The following WWP1 variants were observed in gnomAD, a reference collection of about 807,000 sequenced individuals.
WWP1 encodes the protein WW domain containing E3 ubiquitin protein ligase 1.
In WWP1, 49 loss-of-function variants were observed where a neutral mutation model predicts 130.6. That is an observed-to-expected ratio of 0.38 (90% confidence interval 0.30 to 0.48). The LOEUF (loss-of-function observed/expected upper bound fraction) is 0.48, where lower values mean the gene tolerates loss of function less well. Ranked by LOEUF, WWP1 falls within the 20% of genes least tolerant of loss-of-function variation. WWP1 has a pLI of 0.99. For missense variants in WWP1, 809 were observed against 1,100.6 expected (o/e 0.74, Z 3.75); for synonymous variants, 332 against 367.8 (o/e 0.90, Z 1.11).
At chr8:86,399,234 A>G (rs747263035) in intron 7 of WWP1, among the ~76,000 whole-genome samples, 1 of 152,140 alleles carries the variant, frequency 6.6e-6, no homozygotes, top group Non-Finnish European at 1.5e-5. Flanking sequence ...CGCTCTCTGG[A>G]TTGGCATTAT....
In WWP1 at chr8:86,442,775, C is replaced by A. The variant is rs1563538237; in HGVS notation, c.1995C>A (p.Ala665=). The A allele has an allele frequency of 1.2e-6, 2 of 1,605,436 alleles. No individual in the cohort carries two copies. Among genetic ancestry groups the A allele is most frequent in the Admixed American group, 1.7e-5 (1 of 58,594 alleles). Residue 665 remains alanine, a synonymous_variant, in exon 18 of 25, where the codon GCC becomes GCA. Transcript: ENST00000517970. The part of the protein sequence containing the change: ...SYFCFIGRFI[A]MALFHGKFID... ...TCTGTTTCATTGGTCGTTTTATTGC[C>A]ATGGTGAGTTCCTGACTTTATTATT... is the stretch of plus-strand genomic sequence containing the variant.
chr8:86,388,300 G>A (rs1321089274), intron 5 of WWP1, among the ~76,000 whole-genome samples: 1 of 151,292 alleles, frequency 6.6e-6, no homozygotes, highest in African/African-American at 2.4e-5. Context: ...GCCCAGGCCA[G>A]TGGCTGTTCA....
At chr8:86,344,576 T>C (rs1391609613) in intron 1 of WWP1, among the ~76,000 whole-genome samples, 1 of 152,198 alleles carries the variant, frequency 6.6e-6, no homozygotes, top group East Asian at 1.9e-4. Flanking sequence ...TTTTAATATA[T>C]AAGTTTCATA....
chr8:86,439,762 GC>G (rs1242058453), intron 17 of WWP1, among the ~76,000 whole-genome samples: 16 of 152,176 alleles, frequency 1.1e-4, no homozygotes, highest in African/African-American at 3.4e-4. Context: ...TATTTGTTCT[GC>G]CCCAGCCTAA....
intron 5 of WWP1, among the ~76,000 whole-genome samples, chr8:86,390,724 GA>G (rs1240776812): frequency 2.7e-5 from 4 of 150,590 alleles, no homozygotes; most frequent in Non-Finnish European, 4.4e-5. Flanking sequence ...GGGGGAGGGA[GA>G]GGGGGAGGGA....
intron 7 of WWP1, 92 bp downstream of exon 7, chr8:86,398,730 G>A: frequency 7.1e-7 from 1 of 1,408,070 alleles, no homozygotes. Context: ...TTTAGAATTT[G>A]CCACACAGTT....
intron 1 of WWP1, among the ~76,000 whole-genome samples, chr8:86,368,384 G>A (rs997747912): frequency 4.6e-5 from 7 of 152,206 alleles, no homozygotes; most frequent in Admixed American, 2.0e-4. Context: ...AATGAAGTGG[G>A]AAATTTTAGT....
In WWP1 at chr8:86,349,920, G is replaced by T. The variant is rs79615050; in HGVS notation, c.-115+6990G>T. ...TCGATTCCCTCTGCCCTTGTGATTG[G>T]ATTTGAGACCTAGGGGAGAAGGGTT... On this transcript the variant is annotated intron_variant, in intron 1 of 24. Transcript: ENST00000517970. Among the ~76,000 whole-genome samples the T allele has an allele frequency of 1.4e-4, 22 of 152,094 alleles. No homozygotes were observed. The East Asian group carries it at 4.3e-3, about 30-fold the overall frequency.
chr8:86,461,518 G>A (rs1207443007), intron 23 of WWP1, 198 bp downstream of exon 23: 6 of 628,854 alleles, frequency 9.5e-6, no homozygotes, highest in Non-Finnish European at 1.4e-5. Context: ...TATAGCTGAG[G>A]TGGCCATTGC....
intron 16 of WWP1, 107 bp downstream of exon 16, chr8:86,435,811 T>G: frequency 9.7e-7 from 1 of 1,032,194 alleles, no homozygotes; most frequent in Non-Finnish European, 1.4e-6. Context: ...AACACAGCTA[T>G]AATAATAATG....
rs115205725 is a variant in WWP1, at chr8:86,350,470, G to A, written c.-115+7540G>A. Among the ~76,000 whole-genome samples the A allele has an allele frequency of 7.4e-3, 1,119 of 151,952 alleles. 14 individuals are homozygous for A. Among genetic ancestry groups the A allele is most frequent in the African/African-American group, 0.026 (1,062 of 41,226 alleles). On this transcript the variant is annotated intron_variant, in intron 1 of 24. Transcript: ENST00000517970. Reference sequence around the variant, plus strand: ...CATGTACACTAAAAAACGGGCCCCTGCATCCTAATGCAAATCTCTTTGCAA... The same window carrying A: ...CATGTACACTAAAAAACGGGCCCCTACATCCTAATGCAAATCTCTTTGCAA...
At chr8:86,436,772 C>G (rs558523667) in intron 16 of WWP1, among the ~76,000 whole-genome samples, 53 of 152,194 alleles carry the variant, frequency 3.5e-4, no homozygotes, top group African/African-American at 1.2e-3. Context: ...CTTATTCCCC[C>G]CCTAGTATTA....
In WWP1 at chr8:86,390,114, C is replaced by T. The variant is rs532741324; in HGVS notation, c.335-8228C>T. 2.5e-3 allele frequency among the ~76,000 whole-genome samples: 374 copies of T among 150,232 alleles called. 3 individuals are homozygous for T. Among genetic ancestry groups the T allele is most frequent in the African/African-American group, 8.8e-3 (358 of 40,766 alleles). On this transcript the variant is annotated intron_variant, in intron 5 of 24. Transcript: ENST00000517970. ...CCCAGACGGAGCGGCGGGGCAGAGG[C>T]GCTCCCCACATCTCAGACGATGGGC...
chr8:86,413,789 T>A (rs1808718809), intron 9 of WWP1, among the ~76,000 whole-genome samples: 1 of 152,210 alleles, frequency 6.6e-6, no homozygotes, highest in African/African-American at 2.4e-5. Flanking sequence ...TCGAAGGGTT[T>A]GGAAGTTTTT....
chr8:86,349,509 A>C (rs913966603), intron 1 of WWP1, among the ~76,000 whole-genome samples: 2 of 152,212 alleles, frequency 1.3e-5, no homozygotes, highest in Non-Finnish European at 2.9e-5. Flanking sequence ...TACTATACCA[A>C]AACAGGACTT....
intron 4 of WWP1, 113 bp downstream of exon 4, chr8:86,380,977 G>T: frequency 4.7e-6 from 6 of 1,265,142 alleles, no homozygotes; most frequent in South Asian, 2.3e-5. Flanking sequence ...TTTAAAGTGT[G>T]GATCGACAAT....
intron 16 of WWP1, among the ~76,000 whole-genome samples, chr8:86,438,374 A>G (rs946798317): frequency 4.6e-5 from 7 of 152,306 alleles, no homozygotes; most frequent in East Asian, 1.9e-4. Flanking sequence ...CGGGTCAACT[A>G]TATGTGAAAG....
At chr8:86,381,477 ATT>A (rs769291013) in intron 4 of WWP1, 26 bp from the exon 5 acceptor site, 1 of 1,597,742 alleles carries the variant, frequency 6.3e-7, no homozygotes, top group Non-Finnish European at 8.5e-7. Flanking sequence ...CTACTCCTGT[ATT>A]TTTGTTAATA....
chr8:86,380,344 TG>T (rs200193279), intron 3 of WWP1, among the ~76,000 whole-genome samples: 1,746 of 151,658 alleles, frequency 0.012, 34 homozygotes, highest in African/African-American at 0.04. Flanking sequence ...TGCCTAGGGA[TG>T]GGGGTGGGGA....
Sources: allele counts gnomAD v4.1 joint callset (sites outside exome capture counted in the v4.1 genomes callset), GRCh38; gene constraint gnomAD v4.1.1; transcripts MANE v1.5; gene names NCBI Gene and HGNC (gene_info 2026-07-23, HGNC 2026-07-21).